MARCHF10: variants seen among roughly 807,000 people sequenced by gnomAD.
The protein encoded by MARCHF10 is probable E3 ubiquitin-protein ligase MARCHF10.
Under a neutral mutation model 76.2 loss-of-function variants are expected in MARCHF10, and 64 were observed. The ratio of observed to expected loss-of-function variants is 0.84; its 90% CI spans 0.69 to 1.03. The LOEUF (loss-of-function observed/expected upper bound fraction) is 1.03. Ranked by LOEUF, MARCHF10 falls within the 50% of genes least tolerant of loss-of-function variation. The pLI, the probability that MARCHF10 is intolerant of heterozygous loss-of-function variation, is 0.00. For missense variants in MARCHF10, 875 were observed against 958.0 expected (o/e 0.91, Z 1.14); for synonymous variants, 340 against 357.5 (o/e 0.95, Z 0.55).
intron 7 of MARCHF10, among the ~76,000 whole-genome samples, chr17:62,723,477 T>C (rs1329061387): frequency 6.8e-6 from 1 of 148,082 alleles, no homozygotes; most frequent in East Asian, 2.0e-4. Context: ...ACTGGGGATA[T>C]AAAGAAACAG....
In MARCHF10 at chr17:62,801,827, C is replaced by T. The variant is rs61084369; in HGVS notation, c.-17-75G>A. 2.8e-6 allele frequency: 3 copies of T among 1,083,558 alleles called. No homozygotes were observed. The East Asian group carries it at 7.1e-5, about 26-fold the overall frequency. The allele number at this position is 1,083,558 out of a possible 1,614,324, so 67.1% of individuals were successfully genotyped here. A position where few individuals can be genotyped will look rare whatever the true frequency, so the allele number is the denominator to read the frequency against. On this transcript the variant is annotated intron_variant, in intron 1 of 10. Coordinates refer to ENST00000311269, the MANE Select transcript of MARCHF10 (RefSeq NM_152598.4). ...ATGCCGTATTTGGATTTATTTTCAT[C>T]TAATTGCTTTTATTTGTGTATTCAT...
intron 1 of MARCHF10, among the ~76,000 whole-genome samples, chr17:62,807,065 G>A (rs1044318287): frequency 3.9e-5 from 6 of 152,206 alleles, no homozygotes; most frequent in African/African-American, 1.4e-4. Flanking sequence ...AATCAGGCTC[G>A]AAAATTACTC....
At chr17:62,740,339 C>T (rs2091461082) in intron 5 of MARCHF10, among the ~76,000 whole-genome samples, 1 of 152,082 alleles carries the variant, frequency 6.6e-6, no homozygotes, top group Non-Finnish European at 1.5e-5. Flanking sequence ...TCTAGGGCAA[C>T]AGAATGAAAC....
intron 5 of MARCHF10, among the ~76,000 whole-genome samples, chr17:62,744,047 A>C (rs1175321846): frequency 6.6e-6 from 1 of 152,068 alleles, no homozygotes; most frequent in Non-Finnish European, 1.5e-5. Flanking sequence ...TCTACCACCC[A>C]AATGCCATCC....
intron 3 of MARCHF10, among the ~76,000 whole-genome samples, chr17:62,780,073 G>A (rs2092628566): frequency 6.6e-6 from 1 of 151,816 alleles, no homozygotes; most frequent in Non-Finnish European, 1.5e-5. Flanking sequence ...CTCCAGCCTG[G>A]GTGACAGAGC....
intron 3 of MARCHF10, among the ~76,000 whole-genome samples, chr17:62,777,322 T>C (rs1341515587): frequency 1.3e-5 from 2 of 152,234 alleles, no homozygotes; most frequent in Non-Finnish European, 2.9e-5. Context: ...AGTTTACCAT[T>C]GCCATGGCAA....
intron 3 of MARCHF10, among the ~76,000 whole-genome samples, chr17:62,781,607 A>G (rs1213212473): frequency 6.6e-6 from 1 of 152,212 alleles, no homozygotes; most frequent in Admixed American, 6.5e-5. Context: ...CTGCATAACC[A>G]GCAGTTAGAG....
At chr17:62,729,288 A>G (rs1379552677) in intron 6 of MARCHF10, among the ~76,000 whole-genome samples, 1 of 151,956 alleles carries the variant, frequency 6.6e-6, no homozygotes, top group East Asian at 1.9e-4. Flanking sequence ...GCCAACAAAG[A>G]GAGAAGAAAG....
intron 10 of MARCHF10, chr17:62,705,203 C>A (rs1480572287): frequency 2.4e-6 from 3 of 1,244,132 alleles, no homozygotes; most frequent in Non-Finnish European, 2.0e-6. Flanking sequence ...AGTAAAAAAA[C>A]CAACCCCCAA....
chr17:62,734,980 G>A (rs529137274), intron 6 of MARCHF10, among the ~76,000 whole-genome samples: 78 of 152,222 alleles, frequency 5.1e-4, no homozygotes, highest in Non-Finnish European at 8.2e-4. Flanking sequence ...ACCGTGGGTC[G>A]GTCTTCTGGT....
intron 2 of MARCHF10, among the ~76,000 whole-genome samples, chr17:62,796,968 G>C (rs142809985): frequency 9.0e-4 from 137 of 152,042 alleles, no homozygotes; most frequent in African/African-American, 3.2e-3. Flanking sequence ...ACCCCGACCT[G>C]GGCAACCACT....
chr17:62,730,917 G>A (rs941250809), intron 6 of MARCHF10, among the ~76,000 whole-genome samples: 14 of 127,894 alleles, frequency 1.1e-4, no homozygotes, highest in South Asian at 4.8e-4. Context: ...CAACAACAAC[G>A]ACAACAACAA....
At chr17:62,787,835 G>A (rs2092771675) in intron 3 of MARCHF10, among the ~76,000 whole-genome samples, 3 of 152,042 alleles carry the variant, frequency 2.0e-5, no homozygotes, top group Admixed American at 1.3e-4. Flanking sequence ...TGTATAAAGT[G>A]CTTCGTATAG....
rs532980157 is a variant in MARCHF10, at chr17:62,726,237, G to T, written c.1938-1133C>A. The T allele has an allele frequency of 2.6e-5, 4 of 152,346 alleles. No homozygotes were observed. In the East Asian group the frequency reaches 7.7e-4, roughly 29 times the overall value. The allele number at this position is 152,346 out of a possible 1,614,324, so 9.4% of individuals were successfully genotyped here. Reference sequence around the variant, plus strand: ...GTTGGGAGGTTTTAAGAAGCCTAAGGCTATTTTCTTTTCTTTAGAGTCCTC... The same window carrying T: ...GTTGGGAGGTTTTAAGAAGCCTAAGTCTATTTTCTTTTCTTTAGAGTCCTC... On this transcript the variant is annotated intron_variant, in intron 6 of 10. Coordinates refer to ENST00000311269, the MANE Select transcript of MARCHF10 (RefSeq NM_152598.4).
intron 10 of MARCHF10, among the ~76,000 whole-genome samples, chr17:62,704,158 A>G (rs1342032898): frequency 6.6e-6 from 1 of 151,286 alleles, no homozygotes. Flanking sequence ...CCCCTTCCGG[A>G]GCGGGAGGCC....
intron 3 of MARCHF10, among the ~76,000 whole-genome samples, chr17:62,783,280 G>C (rs938736671): frequency 1.5e-4 from 21 of 142,088 alleles, no homozygotes; most frequent in African/African-American, 5.7e-4. Context: ...ATGACTACTG[G>C]GTAAATAACA....
At chr17:62,806,906 T>C (rs2093172918) in intron 1 of MARCHF10, among the ~76,000 whole-genome samples, 1 of 152,246 alleles carries the variant, frequency 6.6e-6, no homozygotes, top group Non-Finnish European at 1.5e-5. Flanking sequence ...CAAAGTCTTA[T>C]TGGTTTCTTA....
At chr17:62,772,060 C>T (rs994022522) in intron 3 of MARCHF10, among the ~76,000 whole-genome samples, 22 of 152,154 alleles carry the variant, frequency 1.4e-4, no homozygotes, top group East Asian at 1.4e-3. Flanking sequence ...GAATTCAGTG[C>T]GGGGGGAGAT....
intron 2 of MARCHF10, among the ~76,000 whole-genome samples, chr17:62,791,219 C>T (rs1455847644): frequency 1.3e-5 from 2 of 152,176 alleles, no homozygotes; most frequent in Non-Finnish European, 2.9e-5. Flanking sequence ...CTTTGTTGTT[C>T]CAATCCTTTT....
Sources: gnomAD v4.1 joint callset for allele counts (sites outside exome capture counted in the v4.1 genomes callset) on GRCh38, gnomAD v4.1.1 for gene constraint, MANE v1.5 for transcripts, NCBI Gene and HGNC (gene_info 2026-07-23, HGNC 2026-07-21) for gene names.